FUBP3: variants seen among roughly 807,000 people sequenced by gnomAD.
FUBP3 encodes the protein far upstream element-binding protein 3.
Under a neutral mutation model 85.6 loss-of-function variants are expected in FUBP3, and 28 were observed. The ratio of observed to expected loss-of-function variants is 0.33; its 90% CI spans 0.24 to 0.45. The LOEUF (loss-of-function observed/expected upper bound fraction) is 0.45, where lower values mean the gene tolerates loss of function less well. FUBP3 is among the 20% of genes least tolerant of loss of function. FUBP3 has a pLI of 1.00. For synonymous variants in FUBP3, 271 were observed against 271.4 expected (o/e 1.00, Z 0.01); for missense variants, 583 against 755.1 (o/e 0.77, Z 2.67).
intron 1 of FUBP3, among the ~76,000 whole-genome samples, chr9:130,591,348 C>A (rs1564192177): frequency 6.6e-6 from 1 of 152,140 alleles, no homozygotes; most frequent in Non-Finnish European, 1.5e-5. Flanking sequence ...GAGGCTGAGG[C>A]AGGAGAATCT....
chr9:130,636,059 C>A lies in FUBP3; in HGVS notation c.1643C>A (p.Ala548Glu), dbSNP rs865873541. The change falls in exon 18 of 19, where the codon GCA becomes GAA. Residue 548 changes from alanine to glutamate, a missense_variant. This residue lies in a region of FUBP3 where 404 missense variants were observed against 516.8 expected (regional missense o/e 0.78). Transcript: ENST00000319725. ...CCACCGGACTACACAATGGCCTGGG[C>A]AGAATATTACAGACAGCAGGTCGCT... is the stretch of plus-strand genomic sequence containing the variant. ...SSPPDYTMAW[A>E]EYYRQQVAFY... 1 of 1,613,514 alleles carries A rather than the reference C, an allele frequency of 6.2e-7. No homozygotes were observed. The highest frequency in any genetic ancestry group is 1.3e-5 in the African/African-American group (1 of 74,928).
At chr9:130,614,167 T>C (rs1466604754) in intron 5 of FUBP3, 121 bp from the exon 6 acceptor site, 2 of 583,200 alleles carry the variant, frequency 3.4e-6, no homozygotes, top group African/African-American at 1.9e-5. Context: ...ACTGTCTTTT[T>C]CTGGGAGCCT....
chr9:130,632,068 T>C, intron 15 of FUBP3, 46 bp downstream of exon 15: 3 of 1,505,530 alleles, frequency 2.0e-6, no homozygotes, highest in Non-Finnish European at 2.8e-6. Flanking sequence ...GGCACTAAGG[T>C]GGTCACTTGG....
chr9:130,598,484 A>G (rs1242205423), intron 2 of FUBP3, among the ~76,000 whole-genome samples: 1 of 152,252 alleles, frequency 6.6e-6, no homozygotes, highest in Non-Finnish European at 1.5e-5. Context: ...GAGGCAGACA[A>G]CTTAGTTTTG....
intron 2 of FUBP3, among the ~76,000 whole-genome samples, chr9:130,604,379 G>C (rs973281156): frequency 1.3e-5 from 2 of 152,178 alleles, no homozygotes; most frequent in African/African-American, 2.4e-5. Flanking sequence ...GGTTGAACCT[G>C]GGTCTCTGTC....
chr9:130,589,675 G>GTGTATATATATATATATA (rs869282275), intron 1 of FUBP3, among the ~76,000 whole-genome samples: 4 of 34,306 alleles, frequency 1.2e-4, no homozygotes, highest in Admixed American at 9.6e-4. Context: ...GTATGTGTGT[G>GTGTATATATATATATATA]TATATATATA....
At chr9:130,631,914 G>C in intron 14 of FUBP3, 28 bp from the exon 15 acceptor site, 1 of 1,540,194 alleles carries the variant, frequency 6.5e-7, no homozygotes, top group Non-Finnish European at 9.0e-7. Context: ...GAGGCGCTCA[G>C]TCTGTTGTTT....
rs933380947 is a variant in FUBP3, at chr9:130,579,619, C to G, written c.-62C>G. ...CCCCAAGCGGAGCGGGAGGCCGGAC[C>G]GGGGAGCCGAGCGGCGGCGTCGGCG... On this transcript the variant is annotated 5_prime_UTR_variant, in exon 1 of 19. Coordinates refer to ENST00000319725, the MANE Select transcript of FUBP3 (RefSeq NM_003934.2). The G allele has an allele frequency of 2.7e-5, 28 of 1,053,244 alleles. No individual in the cohort carries two copies. The highest frequency in any genetic ancestry group is 6.6e-5 in the African/African-American group (4 of 60,498). 65.2% of individuals were successfully genotyped at this position (1,053,244 alleles called of 1,614,324 possible).
chr9:130,590,246 G>A (rs187086919), intron 1 of FUBP3, among the ~76,000 whole-genome samples: 5 of 152,160 alleles, frequency 3.3e-5, no homozygotes, highest in Non-Finnish European at 5.9e-5. Flanking sequence ...GAAAACACTG[G>A]TTTAGTTTGC....
chr9:130,591,568 A>G (rs1830626321), intron 1 of FUBP3, among the ~76,000 whole-genome samples: 1 of 152,218 alleles, frequency 6.6e-6, no homozygotes, highest in Non-Finnish European at 1.5e-5. Flanking sequence ...ATAATGTAAC[A>G]TAGCCTACAC....
intron 5 of FUBP3, among the ~76,000 whole-genome samples, chr9:130,613,777 G>A (rs1440786749): frequency 4.6e-5 from 7 of 152,108 alleles, no homozygotes; most frequent in Non-Finnish European, 7.4e-5. Context: ...CATCACATGT[G>A]GTGTTAGAAA....
chr9:130,607,412 A>G (rs1831515642), intron 2 of FUBP3, among the ~76,000 whole-genome samples: 1 of 152,104 alleles, frequency 6.6e-6, no homozygotes, highest in Non-Finnish European at 1.5e-5. Flanking sequence ...CGAGAACTAC[A>G]CCTGTATATG....
Position 130,616,550 on chromosome 9 carries a change from C to T in FUBP3, c.567+33C>T, listed in dbSNP as rs762066624. The T allele has an allele frequency of 1.0e-5, 16 of 1,607,212 alleles. No homozygotes were observed. Among genetic ancestry groups the T allele is most frequent in the East Asian group, 2.2e-5 (1 of 44,842 alleles). ...AGCCCGGAGCACGGAGCACAGCGGC[C>T]GCTCGCAGCAGGTCTTCAGCTTCCT... On this transcript the variant is annotated intron_variant, in intron 7 of 18. Transcript: ENST00000319725. This position sits in a 1 kb window ranked among gnomAD's most constrained non-coding sequence, Gnocchi z 4.7.
chr9:130,614,228 G>T (rs1342650819), intron 5 of FUBP3, 60 bp from the exon 6 acceptor site: 6 of 1,050,392 alleles, frequency 5.7e-6, no homozygotes, highest in Non-Finnish European at 9.0e-6. Context: ...CCTTACAGAG[G>T]CAGAGGTGCA....
In FUBP3 at chr9:130,616,576, G is replaced by T; in HGVS notation, c.567+59G>T. The T allele has an allele frequency of 6.5e-7, 1 of 1,528,888 alleles. No homozygotes were observed. The highest frequency in any genetic ancestry group is 9.0e-7 in the Non-Finnish European group (1 of 1,105,858). The allele number at this position is 1,528,888 out of a possible 1,614,324, so 94.7% of individuals were successfully genotyped here. On this transcript the variant is annotated intron_variant, in intron 7 of 18. Coordinates refer to ENST00000319725, the MANE Select transcript of FUBP3 (RefSeq NM_003934.2). This position sits in a 1 kb window ranked among gnomAD's most constrained non-coding sequence, Gnocchi z 4.7. ...GCTCGCAGCAGGTCTTCAGCTTCCT[G>T]GCCCAGGAGATCTGCTTACGGCTGG...
intron 2 of FUBP3, among the ~76,000 whole-genome samples, chr9:130,602,387 G>A (rs1831199714): frequency 6.6e-6 from 1 of 152,120 alleles, no homozygotes; most frequent in South Asian, 2.1e-4. Flanking sequence ...CTTTGTTTCA[G>A]TACTTGTGGC....
At chr9:130,608,357 T>C (rs1454545497) in intron 2 of FUBP3, among the ~76,000 whole-genome samples, 3 of 152,204 alleles carry the variant, frequency 2.0e-5, no homozygotes, top group African/African-American at 7.2e-5. Context: ...GAAGCTGAGC[T>C]TGACCCATAA....
At chr9:130,628,054 T>G (rs1040718183) in intron 12 of FUBP3, among the ~76,000 whole-genome samples, 3 of 151,986 alleles carry the variant, frequency 2.0e-5, no homozygotes, top group Admixed American at 2.0e-4. Context: ...GGAGGGTCTT[T>G]CTATGTCACA....
chr9:130,583,101 G>A (rs1373123281), intron 1 of FUBP3, among the ~76,000 whole-genome samples: 1 of 152,208 alleles, frequency 6.6e-6, no homozygotes, highest in Non-Finnish European at 1.5e-5. Flanking sequence ...ACTTAAATGA[G>A]TGTGACCAAG....
Sources: gnomAD v4.1 joint callset for allele counts (sites outside exome capture counted in the v4.1 genomes callset) on GRCh38, gnomAD v4.1.1 for gene constraint, gnomAD v4.1.1 regional missense constraint, Gnocchi (gnomAD v3.1) non-coding constraint, MANE v1.5 for transcripts, NCBI Gene and HGNC (gene_info 2026-07-23, HGNC 2026-07-21) for gene names.